The following GALNT13 variants were observed in gnomAD, a reference collection of about 807,000 sequenced individuals.
The protein encoded by GALNT13 is UDP-GalNAc:polypeptide N-acetylgalactosaminyltransferase 13.
In GALNT13, 28 loss-of-function variants were observed where a neutral mutation model predicts 64.2. That is an observed-to-expected ratio of 0.44 (90% CI 0.32 to 0.60). The LOEUF (loss-of-function observed/expected upper bound fraction) is 0.60. GALNT13 is among the 20% of genes least tolerant of loss of function. The pLI is 0.05. For missense variants in GALNT13, 577 were observed against 669.8 expected (o/e 0.86, Z 1.53); for synonymous variants, 214 against 224.6 (o/e 0.95, Z 0.42).
intron 11 of GALNT13, among the ~76,000 whole-genome samples, chr2:154,434,364 A>G (rs1700842761): frequency 6.6e-6 from 1 of 152,110 alleles, no homozygotes; most frequent in African/African-American, 2.4e-5. Context: ...GGCTCACGCC[A>G]TTCTCCTGCC....
chr2:153,452,219 A>G, the GALNT13 span, among the ~76,000 whole-genome samples: 7 of 152,236 alleles, frequency 4.6e-5, no homozygotes, highest in Non-Finnish European at 1.5e-5. Context: ...GAATATGCTT[A>G]TTTTCCTGAA....
intron 3 of GALNT13, among the ~76,000 whole-genome samples, chr2:153,957,265 G>C (rs1333119210): frequency 2.0e-5 from 3 of 152,156 alleles, no homozygotes; most frequent in African/African-American, 4.8e-5. Context: ...TTTGAAAACA[G>C]GAAGAGGCAG....
intron 9 of GALNT13, among the ~76,000 whole-genome samples, chr2:154,306,251 A>G (rs1362558179): frequency 6.6e-6 from 1 of 152,024 alleles, no homozygotes; most frequent in African/African-American, 2.4e-5. Context: ...TGCTGCACCC[A>G]TTAACCCGTC....
chr2:153,835,100 C>G, the GALNT13 span, among the ~76,000 whole-genome samples: 2 of 152,008 alleles, frequency 1.3e-5, no homozygotes, highest in South Asian at 4.1e-4. Flanking sequence ...TCTCATGGTA[C>G]TTTTTCTTTC....
chr2:153,287,217 C>T, the GALNT13 span, among the ~76,000 whole-genome samples: 2 of 152,236 alleles, frequency 1.3e-5, no homozygotes, highest in South Asian at 4.1e-4. Flanking sequence ...CTGCGCATAC[C>T]CCTAGGGGAG....
At chr2:153,163,859 A>T in the GALNT13 span, among the ~76,000 whole-genome samples, 3 of 151,910 alleles carry the variant, frequency 2.0e-5, no homozygotes, top group Non-Finnish European at 4.4e-5. Flanking sequence ...CTCTACTAAA[A>T]ATACAAAAAT....
At chr2:154,037,198 A>G (rs1269447946) in intron 3 of GALNT13, among the ~76,000 whole-genome samples, 1 of 152,102 alleles carries the variant, frequency 6.6e-6, no homozygotes, top group African/African-American at 2.4e-5. Context: ...GCAATAGAAA[A>G]TCACCCAACT....
chr2:153,195,863 G>A, the GALNT13 span, among the ~76,000 whole-genome samples: 12 of 152,134 alleles, frequency 7.9e-5, no homozygotes, highest in African/African-American at 2.2e-4. Flanking sequence ...GAGGAGACCC[G>A]CAGGGGCAGC....
Position 154,235,842 on chromosome 2 carries a change from A to G in GALNT13, c.312-6188A>G, listed in dbSNP as rs570285299. Among the ~76,000 whole-genome samples, 32 of 152,298 alleles carry G rather than the reference A, an allele frequency of 2.1e-4. 1 individual carries two copies. In the South Asian group the frequency reaches 6.6e-3, roughly 32 times the overall value. On this transcript the variant is annotated intron_variant, in intron 4 of 12. Transcript: ENST00000392825. ...TGTGTTCAGTAGCTTATCTGAAAAC[A>G]TCAATATGGTTTTGAAAGGATAAAA...
At chr2:153,827,581 G>T in the GALNT13 span, among the ~76,000 whole-genome samples, 1 of 149,436 alleles carries the variant, frequency 6.7e-6, no homozygotes, top group African/African-American at 2.5e-5. Flanking sequence ...AGCTGAGATC[G>T]TGCCACTGCA....
chr2:153,446,215 G>T, the GALNT13 span, among the ~76,000 whole-genome samples: 3 of 152,090 alleles, frequency 2.0e-5, no homozygotes, highest in Admixed American at 1.3e-4. Flanking sequence ...GAGATTTTAG[G>T]GTGAGAGGCA....
intron 4 of GALNT13, among the ~76,000 whole-genome samples, chr2:154,196,505 T>C (rs1686886631): frequency 6.6e-6 from 1 of 152,216 alleles, no homozygotes; most frequent in African/African-American, 2.4e-5. Flanking sequence ...GTGAAATAAT[T>C]AGCTATTCAT....
intron 2 of GALNT13, among the ~76,000 whole-genome samples, chr2:153,907,185 AT>A (rs1407877069): frequency 6.6e-6 from 1 of 151,334 alleles, no homozygotes. Context: ...ATTTTCTCCC[AT>A]TTTGTAGGTT....
intron 2 of GALNT13, among the ~76,000 whole-genome samples, chr2:153,937,500 T>C (rs1691025827): frequency 6.6e-6 from 1 of 152,204 alleles, no homozygotes; most frequent in Non-Finnish European, 1.5e-5. Context: ...TTGAGGGTTC[T>C]AGCAAAGGGG....
intron 9 of GALNT13, among the ~76,000 whole-genome samples, chr2:154,370,931 G>A (rs57209901): frequency 0.048 from 7,283 of 152,074 alleles, 365 homozygotes; most frequent in East Asian, 0.24. Flanking sequence ...AACATAAGAG[G>A]AGGCACCAAC....
the GALNT13 span, among the ~76,000 whole-genome samples, chr2:153,623,154 A>C: frequency 4.6e-5 from 7 of 152,080 alleles, no homozygotes; most frequent in Admixed American, 1.3e-4. Flanking sequence ...AAATGCTATG[A>C]TATGAGTGAG....
Position 154,043,415 on chromosome 2 carries a change from TATATA to T in GALNT13, c.143-96921_143-96917del, listed in dbSNP as rs202029492. Among the ~76,000 whole-genome samples, 386 of 83,622 alleles carry T rather than the reference TATATA, an allele frequency of 4.6e-3. 9 individuals carry two copies. Among genetic ancestry groups the T allele is most frequent in the African/African-American group, 0.015 (296 of 19,226 alleles). 54.9% of individuals were successfully genotyped at this position (83,622 alleles called of 152,430 possible). A position where few individuals can be genotyped will look rare whatever the true frequency, so the allele number is the denominator to read the frequency against. On this transcript the variant is annotated intron_variant, in intron 3 of 12. Transcript: ENST00000392825. ...CTGTCAACACTACTATAAGGACTTT[TATATA>T]TATATATATATATATATATATATAT... is the stretch of plus-strand genomic sequence containing the variant.
chr2:153,177,812 G>GA, the GALNT13 span, among the ~76,000 whole-genome samples: 1 of 151,944 alleles, frequency 6.6e-6, no homozygotes. Context: ...TATAGCAAAA[G>GA]AAAAAACCCA....
At chr2:153,787,138 G>A in the GALNT13 span, among the ~76,000 whole-genome samples, 1 of 152,130 alleles carries the variant, frequency 6.6e-6, no homozygotes, top group Non-Finnish European at 1.5e-5. Context: ...ATGATGGGAA[G>A]CCCAGGAGTA....
Sources: allele counts gnomAD v4.1 joint callset (sites outside exome capture counted in the v4.1 genomes callset), GRCh38; gene constraint gnomAD v4.1.1; transcripts MANE v1.5; gene names NCBI Gene and HGNC (gene_info 2026-07-23, HGNC 2026-07-21).